The following ZBTB40 variants were observed in gnomAD, a reference collection of about 807,000 sequenced individuals.
The protein encoded by ZBTB40 is zinc finger and BTB domain containing 40.
A neutral mutation model predicts 117.5 loss-of-function variants in ZBTB40; 60 were observed. The ratio of observed to expected loss-of-function variants is 0.51; its 90% CI spans 0.41 to 0.63. The LOEUF is 0.63. Among genes scored for constraint, ZBTB40 ranks in the 30% least tolerant of loss-of-function variants. The pLI is 0.00. For missense variants in ZBTB40, 1,287 were observed against 1,498.5 expected, an observed-to-expected ratio of 0.86 and a Z score of 2.33; for synonymous variants, 525 against 577.1, an observed-to-expected ratio of 0.91 and a Z score of 1.29.
intron 1 of ZBTB40, among the ~76,000 whole-genome samples, chr1:22,442,909 TGG>T (rs1640749538): frequency 6.6e-6 from 1 of 152,206 alleles, no homozygotes; most frequent in Non-Finnish European, 1.5e-5. Context: ...CATATTTTGA[TGG>T]TGTGTAAGTG....
intron 9 of ZBTB40, among the ~76,000 whole-genome samples, chr1:22,510,122 C>A (rs995259658): frequency 6.6e-6 from 1 of 152,208 alleles, no homozygotes; most frequent in Non-Finnish European, 1.5e-5. Context: ...ACTGGGGGAA[C>A]TCATGGGTGT....
chr1:22,522,772 T>TA (rs201574801), intron 16 of ZBTB40, among the ~76,000 whole-genome samples: 3,045 of 130,596 alleles, frequency 0.023, 80 homozygotes, highest in Admixed American at 0.074. Context: ...CATTTTTATT[T>TA]TTTTTTTTTT....
At chr1:22,436,928 T>C (rs1191995827) in intron 1 of ZBTB40, among the ~76,000 whole-genome samples, 1 of 151,908 alleles carries the variant, frequency 6.6e-6, no homozygotes, top group Non-Finnish European at 1.5e-5. Flanking sequence ...AAATCAGTGG[T>C]TGTTGGGAGA....
intron 17 of ZBTB40, among the ~76,000 whole-genome samples, chr1:22,525,856 C>T (rs1639661628): frequency 6.6e-6 from 1 of 152,200 alleles, no homozygotes. Context: ...CAGTGGCATT[C>T]CTCTCACATG....
intron 10 of ZBTB40, 131 bp downstream of exon 10, chr1:22,511,478 A>T (rs1639231204): frequency 7.3e-7 from 1 of 1,368,804 alleles, no homozygotes; most frequent in Non-Finnish European, 1.0e-6. Flanking sequence ...TGCTCTGAAT[A>T]CCTAAAAAAG....
At chr1:22,462,832 C>T (rs997206932) in intron 1 of ZBTB40, among the ~76,000 whole-genome samples, 19 of 152,160 alleles carry the variant, frequency 1.2e-4, no homozygotes, top group African/African-American at 4.6e-4. Flanking sequence ...ATGAAATGAG[C>T]AATGCAGTTG....
intron 1 of ZBTB40, 108 bp downstream of exon 1, chr1:22,452,112 TCCGCGGGACTCGGCCGAATCACGG>T (rs1640889294): frequency 6.6e-6 from 1 of 152,292 alleles, no homozygotes; most frequent in South Asian, 2.1e-4. Context: ...CGTGGCGAAC[TCCGCGGGACTCGGCCGAATCACGG>T]CCGCCTCACC....
At chr1:22,435,175 A>AT (rs922979389) in intron 1 of ZBTB40, among the ~76,000 whole-genome samples, 1 of 151,558 alleles carries the variant, frequency 6.6e-6, no homozygotes, top group Non-Finnish European at 1.5e-5. Context: ...TAATTTTTGT[A>AT]TTTTTTATAG....
At chr1:22,477,803 C>CTCTCAAAG (rs1440680443) in intron 1 of ZBTB40, among the ~76,000 whole-genome samples, 1 of 152,202 alleles carries the variant, frequency 6.6e-6, no homozygotes, top group Non-Finnish European at 1.5e-5. Context: ...CCGCCTCGGC[C>CTCTCAAAG]TCTCAAAGTG....
At chr1:22,435,491 A>G (rs1640658593) in intron 1 of ZBTB40, among the ~76,000 whole-genome samples, 1 of 150,992 alleles carries the variant, frequency 6.6e-6, no homozygotes, top group East Asian at 1.9e-4. Flanking sequence ...TCTCTCTCTT[A>G]ATATATTTGA....
chr1:22,509,585 T>C (rs1194449335), intron 9 of ZBTB40, among the ~76,000 whole-genome samples: 1 of 152,194 alleles, frequency 6.6e-6, no homozygotes, highest in Non-Finnish European at 1.5e-5. Context: ...TGGCCTCAAG[T>C]GATTCACCCA....
In ZBTB40 at chr1:22,509,096, T is replaced by A; in HGVS notation, c.1700-4T>A. On this transcript the variant is annotated splice_polypyrimidine_tract_variant and splice_region_variant and intron_variant, in intron 8 of 17. Transcript: ENST00000375647. ...AATGAGTTTTTGATCCCCCTTTTTT[T>A]CAGTGACCACCCCAGAACATGCCAC... The A allele has an allele frequency of 6.2e-7, 1 of 1,614,108 alleles. No individual in the cohort carries two copies.
In ZBTB40 at chr1:22,433,619, A is replaced by T. The variant is rs138427878; in HGVS notation, c.-70+4605A>T. ...GGGACTTGAGCATCCATGGATTTTG[A>T]TATACGGGGGTGGAGGGTTAGTTCT... On this transcript the variant is annotated intron_variant, in intron 1 of 8. Coordinates refer to the ZBTB40 transcript ENST00000650433. Among the ~76,000 whole-genome samples, 85 of 146,914 alleles carry T rather than the reference A, an allele frequency of 5.8e-4. 3 individuals are homozygous for T. The East Asian group carries it at 0.017, about 29-fold the overall frequency.
At chr1:22,449,463 C>T (rs1410571470), upstream of ZBTB40, among the ~76,000 whole-genome samples, 1 of 152,186 alleles carries the variant, frequency 6.6e-6, no homozygotes, top group East Asian at 1.9e-4. Context: ...AGAGCCATTG[C>T]TCTCCATGAC....
chr1:22,510,297 C>G (rs377303900), intron 9 of ZBTB40, among the ~76,000 whole-genome samples: 11 of 152,186 alleles, frequency 7.2e-5, no homozygotes, highest in Admixed American at 3.3e-4. Context: ...ACATGTTGGT[C>G]TGACTCAGAT....
intron 2 of ZBTB40, 141 bp downstream of exon 2, chr1:22,490,786 T>TA: frequency 2.2e-6 from 2 of 924,546 alleles, no homozygotes; most frequent in Admixed American, 4.4e-5. Context: ...GCCATTCTTT[T>TA]AAAAGTGTCT....
intron 1 of ZBTB40, among the ~76,000 whole-genome samples, chr1:22,484,801 G>A (rs539267439): frequency 6.6e-6 from 1 of 152,310 alleles, no homozygotes; most frequent in South Asian, 2.1e-4. Context: ...TCTTTATGAA[G>A]TTGAGGCAGT....
rs1557529201 is a variant in ZBTB40, at chr1:22,526,189, CT to C, written c.3526-10del. On this transcript the variant is annotated splice_polypyrimidine_tract_variant and intron_variant, in intron 17 of 17. Transcript: ENST00000375647. ...ACACTGCCCAGAGCAGCCTCACGGT[CT>C]TTCTCTTTCAGGTGATCCAAACCCC... The C allele has an allele frequency of 6.2e-7, 1 of 1,614,170 alleles. No individual in the cohort carries two copies. The highest frequency in any genetic ancestry group is 8.5e-7 in the Non-Finnish European group (1 of 1,180,022).
chr1:22,488,454 GC>G (rs1420514243), intron 1 of ZBTB40, among the ~76,000 whole-genome samples: 1 of 152,156 alleles, frequency 6.6e-6, no homozygotes, highest in African/African-American at 2.4e-5. Context: ...TGCTAACATG[GC>G]CTCTGAGCAA....
Sources: gnomAD v4.1 joint callset for allele counts (sites outside exome capture counted in the v4.1 genomes callset) on GRCh38, gnomAD v4.1.1 for gene constraint, MANE v1.5 for transcripts, NCBI Gene and HGNC (gene_info 2026-07-23, HGNC 2026-07-21) for gene names.